Variants in UCK2 observed in about 807,000 individuals in gnomAD.
UCK2 encodes uridine-cytidine kinase 2.
In UCK2, 6 loss-of-function variants were observed where a neutral mutation model predicts 30.8. The ratio of observed to expected loss-of-function variants is 0.19; its 90% confidence interval spans 0.11 to 0.38. The LOEUF (loss-of-function observed/expected upper bound fraction) is 0.38, where lower values mean the gene tolerates loss of function less well. UCK2 is among the 10% of genes least tolerant of loss of function. The pLI is 1.00. For missense variants in UCK2, 210 were observed against 339.8 expected (o/e 0.62, Z 3.00); for synonymous variants, 125 against 133.6 (o/e 0.94, Z 0.45).
At chr1:165,835,859 C>T (rs1654175291) in intron 1 of UCK2, among the ~76,000 whole-genome samples, 1 of 152,028 alleles carries the variant, frequency 6.6e-6, no homozygotes, top group Admixed American at 6.6e-5. Context: ...ATTTTATTTC[C>T]TGTTCTCATG....
At chr1:165,859,059 A>C (rs554266165) in intron 1 of UCK2, among the ~76,000 whole-genome samples, 1 of 152,330 alleles carries the variant, frequency 6.6e-6, no homozygotes, top group Admixed American at 6.5e-5. Context: ...AGAATGAAAA[A>C]GATAAGACAG....
intron 1 of UCK2, among the ~76,000 whole-genome samples, chr1:165,867,671 G>A (rs1005705691): frequency 6.6e-6 from 1 of 152,158 alleles, no homozygotes; most frequent in Non-Finnish European, 1.5e-5. Context: ...TTATGAGATT[G>A]CAACAATTCA....
At chr1:165,895,934 G>C (rs1464055532) in intron 3 of UCK2, 1 of 376,452 alleles carries the variant, frequency 2.7e-6, no homozygotes, top group African/African-American at 2.1e-5. Flanking sequence ...AAGGATGTCT[G>C]CCGTGTATTT....
chr1:165,885,379 T>A, intron 1 of UCK2: 1 of 398,574 alleles, frequency 2.5e-6, no homozygotes, highest in East Asian at 3.6e-5. Flanking sequence ...CAGAATGCCA[T>A]GTAAGTAAAG....
At chr1:165,884,507 C>T (rs1257385969) in intron 1 of UCK2, among the ~76,000 whole-genome samples, 3 of 152,226 alleles carry the variant, frequency 2.0e-5, no homozygotes, top group Non-Finnish European at 4.4e-5. Flanking sequence ...CTCCCAAGGG[C>T]TGAATTGTTC....
At chr1:165,864,040 C>T (rs910716532) in intron 1 of UCK2, among the ~76,000 whole-genome samples, 4 of 151,532 alleles carry the variant, frequency 2.6e-5, no homozygotes, top group South Asian at 4.2e-4. Context: ...CTCCACCTCC[C>T]GTGTTCAAGT....
At chr1:165,870,495 A>G (rs11579300) in intron 1 of UCK2, among the ~76,000 whole-genome samples, 47,039 of 145,316 alleles carry the variant, frequency 0.32, 6,958 homozygotes, top group East Asian at 0.42. Context: ...CTGGATGACA[A>G]TTTTAATATG....
At chr1:165,844,270 CGT>C (rs1028542880) in intron 1 of UCK2, among the ~76,000 whole-genome samples, 7 of 152,200 alleles carry the variant, frequency 4.6e-5, no homozygotes, top group African/African-American at 1.7e-4. Context: ...GCTCCCTCCT[CGT>C]AGTTGACATT....
At chr1:165,873,521 T>G (rs138730893) in intron 1 of UCK2, among the ~76,000 whole-genome samples, 136 of 152,366 alleles carry the variant, frequency 8.9e-4, no homozygotes, top group African/African-American at 3.2e-3. Flanking sequence ...AAAGTGAAGC[T>G]TCCCATTTCT....
intron 1 of UCK2, among the ~76,000 whole-genome samples, chr1:165,875,485 A>G (rs535204452): frequency 2.6e-5 from 4 of 152,246 alleles, no homozygotes; most frequent in African/African-American, 4.8e-5. Context: ...GTGTCCTCCA[A>G]TTTACTTGCT....
At chr1:165,831,762 A>T (rs1654054432) in intron 1 of UCK2, among the ~76,000 whole-genome samples, 1 of 151,954 alleles carries the variant, frequency 6.6e-6, no homozygotes, top group Non-Finnish European at 1.5e-5. Context: ...TATTATTTTT[A>T]TTTTTTATTT....
At chr1:165,879,733 A>G (rs917542418) in intron 1 of UCK2, among the ~76,000 whole-genome samples, 11 of 152,096 alleles carry the variant, frequency 7.2e-5, no homozygotes, top group African/African-American at 2.4e-4. Flanking sequence ...GTAGTGATGA[A>G]TGACGAATTC....
At chr1:165,904,206 A>C in intron 5 of UCK2, 1 of 152,232 alleles carries the variant, frequency 6.6e-6, no homozygotes, top group Non-Finnish European at 1.5e-5. Context: ...TTATTCTAAC[A>C]ATAAACTTCA....
intron 1 of UCK2, among the ~76,000 whole-genome samples, chr1:165,863,490 G>A (rs1654971291): frequency 6.6e-6 from 1 of 152,204 alleles, no homozygotes; most frequent in Admixed American, 6.5e-5. Context: ...GCTATGCTGG[G>A]AACCTAATCC....
chr1:165,891,751 C>T (rs1655775669), intron 3 of UCK2: 1 of 159,754 alleles, frequency 6.3e-6, no homozygotes, highest in African/African-American at 2.4e-5. Context: ...GGCATGAGGT[C>T]ACCAGATCGT....
intron 1 of UCK2, among the ~76,000 whole-genome samples, chr1:165,832,907 G>C (rs1382012492): frequency 2.0e-5 from 3 of 151,962 alleles, no homozygotes; most frequent in Non-Finnish European, 4.4e-5. Flanking sequence ...CTTAAAATCT[G>C]TACCTGTTTT....
At chr1:165,849,575 G>C (rs557160315) in intron 1 of UCK2, among the ~76,000 whole-genome samples, 1 of 152,234 alleles carries the variant, frequency 6.6e-6, no homozygotes, top group Non-Finnish European at 1.5e-5. Context: ...GGAAGCCAGT[G>C]CTAGGGCACT....
intron 3 of UCK2, 173 bp from the exon 4 acceptor site, chr1:165,896,017 G>T: frequency 1.3e-6 from 1 of 785,570 alleles, no homozygotes; most frequent in Non-Finnish European, 2.0e-6. Flanking sequence ...TTGGCTCTTT[G>T]GTGGTGGTCC....
chr1:165,879,788 T>C (rs1655436740), intron 1 of UCK2, among the ~76,000 whole-genome samples: 1 of 152,036 alleles, frequency 6.6e-6, no homozygotes, highest in African/African-American at 2.4e-5. Flanking sequence ...AGACAGCCAA[T>C]AGAGGACTTG....
Sources: allele counts gnomAD v4.1 joint callset (sites outside exome capture counted in the v4.1 genomes callset), GRCh38; gene constraint gnomAD v4.1.1; transcripts MANE v1.5; gene names NCBI Gene and HGNC (gene_info 2026-07-23, HGNC 2026-07-21).